Variants in TBC1D24 observed in about 807,000 individuals in gnomAD.
The protein encoded by TBC1D24 is TBC1 domain family member 24.
In TBC1D24, 47 loss-of-function variants were observed where a neutral mutation model predicts 50.7. That is an observed-to-expected ratio of 0.93 (90% CI 0.73 to 1.18). The LOEUF (loss-of-function observed/expected upper bound fraction) is 1.18. TBC1D24 is among the 50% of genes most tolerant of loss of function. The pLI, the probability that TBC1D24 is intolerant of heterozygous loss-of-function variation, is 0.00. For synonymous variants in TBC1D24, 324 were observed against 335.2 expected, an observed-to-expected ratio of 0.97 and a Z score of 0.36; for missense variants, 688 against 766.5, an observed-to-expected ratio of 0.90 and a Z score of 1.21.
At chr16:2,495,978 C>T (rs904564036) in intron 1 of TBC1D24, 56 bp from the exon 2 acceptor site, 3 of 850,494 alleles carry the variant, frequency 3.5e-6, no homozygotes, top group African/African-American at 3.4e-5. Flanking sequence ...AAAATACGTT[C>T]TTTAAAATGT....
Position 2,498,223 on chromosome 16 carries a change from G to A in TBC1D24, c.984-15G>A. 3 of 1,595,408 alleles carry A rather than the reference G, an allele frequency of 1.9e-6. No individual in the cohort carries two copies. The highest frequency in any genetic ancestry group is 2.6e-6 in the Non-Finnish European group (3 of 1,170,408). On this transcript the variant is annotated splice_polypyrimidine_tract_variant and intron_variant, in intron 3 of 7. Coordinates refer to ENST00000646147, the MANE Select transcript of TBC1D24 (RefSeq NM_001199107.2). ...GACGTGCCTTCGGGCTCTGACCCCT[G>A]CTCGCTCCCCTCAGGCAGTTTGTAC...
intron 1 of TBC1D24, among the ~76,000 whole-genome samples, chr16:2,489,169 C>T (rs967418321): frequency 4.0e-5 from 6 of 151,462 alleles, no homozygotes; most frequent in African/African-American, 7.3e-5. Flanking sequence ...CAATGGCTCA[C>T]GCCTGTAATC....
chr16:2,497,807 C>G, intron 3 of TBC1D24, 80 bp downstream of exon 3: 1 of 1,398,216 alleles, frequency 7.2e-7, no homozygotes, highest in Non-Finnish European at 9.8e-7. Context: ...TGCTCTGGGT[C>G]TCAGGGCTGC....
Position 2,486,666 on chromosome 16 carries a change from G to A in TBC1D24, c.-115-9368G>A, listed in dbSNP as rs1486285118. ...TGGTGGCATCTGGGAGTGTGTGGGA[G>A]TGCCTTCTGTGCTGTGGGCCTCATC... On this transcript the variant is annotated intron_variant, in intron 1 of 7. Transcript: ENST00000646147. The surrounding 1 kb of genome is among the most constrained non-coding windows in gnomAD (Gnocchi z 5.8). Among the ~76,000 whole-genome samples, 2 of 152,352 alleles carry A rather than the reference G, an allele frequency of 1.3e-5. No homozygotes were observed. The highest frequency in any genetic ancestry group is 1.9e-4 in the East Asian group (1 of 5,186).
In TBC1D24 at chr16:2,496,394, G is replaced by A. The variant is rs2065739072; in HGVS notation, c.246G>A (p.Val82=). ...SVYSDIVGKI[V]GKHSSSCLPL... is the part of the protein sequence containing the mutation. ...ACAGCGACATCGTGGGCAAGATCGT[G>A]GGCAAGCACAGCAGCAGCTGCCTGC... Residue 82 remains valine (V), a synonymous_variant, in exon 2 of 8, where the codon GTG becomes GTA. Transcript: ENST00000646147. The A allele has an allele frequency of 6.2e-7, 1 of 1,613,158 alleles. No homozygotes were observed. The highest frequency in any genetic ancestry group is 8.5e-7 in the Non-Finnish European group (1 of 1,179,986).
At position 2,485,031 on chromosome 16, in the gene TBC1D24, C is replaced by T. The variant is rs901849700; in HGVS notation, c.-116+9861C>T. On this transcript the variant is annotated intron_variant, in intron 1 of 7. Coordinates refer to ENST00000646147, the MANE Select transcript of TBC1D24 (RefSeq NM_001199107.2). This position sits in a 1 kb window ranked among gnomAD's most constrained non-coding sequence, Gnocchi z 4.6. ...TCCAGGTCTGCTTTTAGGCCCCAGT[C>T]CCTGCCCCATCTAGTGTGTTCTTCC... is the stretch of plus-strand genomic sequence containing the variant. 1 of 152,166 alleles carries T rather than the reference C, an allele frequency of 6.6e-6. No individual in the cohort carries two copies. Among genetic ancestry groups the T allele is most frequent in the African/African-American group, 2.4e-5 (1 of 41,342 alleles). The allele number at this position is 152,166 out of a possible 1,614,324, so 9.4% of individuals were successfully genotyped here.
chr16:2,488,879 T>G (rs1247258853), intron 1 of TBC1D24, among the ~76,000 whole-genome samples: 11 of 133,212 alleles, frequency 8.3e-5, no homozygotes, highest in Non-Finnish European at 1.3e-4. Flanking sequence ...GCTAACACGG[T>G]GAAACCCCGT....
At position 2,499,063 on chromosome 16, in the gene TBC1D24, C is replaced by T. The variant is rs2065768337; in HGVS notation, c.1143-294C>T. 6.6e-6 allele frequency among the ~76,000 whole-genome samples: 1 copy of T among 152,240 alleles called. No individual in the cohort carries two copies. The highest frequency in any genetic ancestry group is 6.5e-5 in the Admixed American group (1 of 15,294). On this transcript the variant is annotated intron_variant, in intron 4 of 7. Transcript: ENST00000646147. The surrounding 1 kb of genome is among the most constrained non-coding windows in gnomAD (Gnocchi z 4.0). The stretch of plus-strand genomic sequence containing the variant: ...TGCGAGGATGGCCCAAACCTCCCCA[C>T]CGCAGGGACCTGTTCCTCTGGTTCC...
At chr16:2,489,024 C>T (rs555494756) in intron 1 of TBC1D24, among the ~76,000 whole-genome samples, 67 of 146,820 alleles carry the variant, frequency 4.6e-4, no homozygotes, top group African/African-American at 1.2e-3. Flanking sequence ...GTGCCGAGAT[C>T]GTGCCACTGT....
intron 1 of TBC1D24, among the ~76,000 whole-genome samples, chr16:2,492,110 G>A (rs972057694): frequency 5.3e-5 from 8 of 152,196 alleles, no homozygotes; most frequent in Non-Finnish European, 1.2e-4. Context: ...AAAGTGCTGG[G>A]ATTACAGATG....
In TBC1D24 at chr16:2,499,331, A is replaced by T; in HGVS notation, c.1143-26A>T. ...CGGCTGGGAGGGTGTGCAGGGTGAC[A>T]GCTGGCATGCGTGTCTCTACGCCAG... On this transcript the variant is annotated intron_variant, in intron 4 of 7. Transcript: ENST00000646147. This position sits in a 1 kb window ranked among gnomAD's most constrained non-coding sequence, Gnocchi z 4.0. The T allele has an allele frequency of 6.2e-7, 1 of 1,607,302 alleles. No individual in the cohort carries two copies. The highest frequency in any genetic ancestry group is 2.2e-5 in the East Asian group (1 of 44,704).
Position 2,487,205 on chromosome 16 carries a change from G to A in TBC1D24, c.-115-8829G>A, listed in dbSNP as rs1199004335. On this transcript the variant is annotated intron_variant, in intron 1 of 7. Coordinates refer to ENST00000646147, the MANE Select transcript of TBC1D24 (RefSeq NM_001199107.2). This position sits in a 1 kb window ranked among gnomAD's most constrained non-coding sequence, Gnocchi z 4.1. The stretch of plus-strand genomic sequence containing the variant: ...TCCACACCTTTCCGCCCCTTCCACA[G>A]CAGCAGGCACAGCCCTGCCCGTGGG... Among the ~76,000 whole-genome samples the A allele has an allele frequency of 6.6e-6, 1 of 152,202 alleles. No homozygotes were observed. Among genetic ancestry groups the A allele is most frequent in the Non-Finnish European group, 1.5e-5 (1 of 68,028 alleles).
chr16:2,493,362 A>G (rs1182328084), intron 1 of TBC1D24, among the ~76,000 whole-genome samples: 1 of 151,808 alleles, frequency 6.6e-6, no homozygotes, highest in African/African-American at 2.4e-5. Context: ...GATGGTCTCG[A>G]TCTCCTGACC....
intron 2 of TBC1D24, 148 bp downstream of exon 2, chr16:2,497,261 CAGGA>C (rs2065751982): frequency 2.8e-6 from 3 of 1,071,858 alleles, no homozygotes; most frequent in Non-Finnish European, 4.1e-6. Context: ...GACACTGAAA[CAGGA>C]AGGGCCTTCC....
chr16:2,488,282 G>C (rs2065666974), intron 1 of TBC1D24, among the ~76,000 whole-genome samples: 1 of 152,110 alleles, frequency 6.6e-6, no homozygotes, highest in Admixed American at 6.5e-5. Context: ...CAACTGGCAG[G>C]AACTGCCCTC....
intron 1 of TBC1D24, among the ~76,000 whole-genome samples, chr16:2,494,645 C>T (rs1300561444): frequency 6.6e-6 from 1 of 151,976 alleles, no homozygotes; most frequent in East Asian, 1.9e-4. Context: ...CTCAACTAGT[C>T]CTCCCACCTT....
At position 2,500,607 on chromosome 16, in the gene TBC1D24, G is replaced by T; in HGVS notation, c.1525+117G>T. ...AGAAGAGGCCCTGGGTGTCAGGGTG[G>T]ACCAGGCATGATGGGTGGGAGGGGG... On this transcript the variant is annotated intron_variant, in intron 7 of 7. Coordinates refer to ENST00000646147, the MANE Select transcript of TBC1D24 (RefSeq NM_001199107.2). This position sits in a 1 kb window ranked among gnomAD's most constrained non-coding sequence, Gnocchi z 8.0. 7.6e-7 allele frequency: 1 copy of T among 1,317,004 alleles called. No homozygotes were observed. Among genetic ancestry groups the T allele is most frequent in the Non-Finnish European group, 1.0e-6 (1 of 967,292 alleles). 81.6% of individuals were successfully genotyped at this position (1,317,004 alleles called of 1,614,324 possible).
At chr16:2,497,474 C>T (rs1035238885) in intron 2 of TBC1D24, among the ~76,000 whole-genome samples, 2 of 152,214 alleles carry the variant, frequency 1.3e-5, no homozygotes, top group African/African-American at 4.8e-5. Flanking sequence ...GGCTGCTGGG[C>T]GTGGCCTCCC....
At chr16:2,494,131 G>A (rs1419080748) in intron 1 of TBC1D24, among the ~76,000 whole-genome samples, 6 of 152,182 alleles carry the variant, frequency 3.9e-5, no homozygotes, top group African/African-American at 1.4e-4. Flanking sequence ...AACTGGGAAC[G>A]GGCTGGGCGT....
Sources: allele counts gnomAD v4.1 joint callset (sites outside exome capture counted in the v4.1 genomes callset), GRCh38; gene constraint gnomAD v4.1.1; non-coding constraint Gnocchi (gnomAD v3.1); transcripts MANE v1.5; gene names NCBI Gene and HGNC (gene_info 2026-07-23, HGNC 2026-07-21).